PPM1E: variants seen among roughly 807,000 people sequenced by gnomAD.
PPM1E encodes the protein protein phosphatase, Mg2+/Mn2+ dependent 1E, also known as protein phosphatase 1E.
PPM1E carries 20 observed loss-of-function variants against 65.9 expected under a neutral mutation model. The ratio of observed to expected loss-of-function variants is 0.30; its 90% confidence interval spans 0.21 to 0.44. The LOEUF is 0.44. PPM1E is among the 20% of genes least tolerant of loss of function. The pLI is 1.00. For missense variants in PPM1E, 713 were observed against 953.1 expected (o/e 0.75, Z 3.32); for synonymous variants, 352 against 374.9 (o/e 0.94, Z 0.70).
chr17:58,954,117 T>C (rs2052280887), intron 1 of PPM1E, among the ~76,000 whole-genome samples: 1 of 152,242 alleles, frequency 6.6e-6, no homozygotes, highest in Non-Finnish European at 1.5e-5. Context: ...AAACTTGTTA[T>C]TTTCCTGGTT....
At chr17:58,943,251 T>C (rs933908278) in intron 1 of PPM1E, among the ~76,000 whole-genome samples, 1 of 151,980 alleles carries the variant, frequency 6.6e-6, no homozygotes, top group Non-Finnish European at 1.5e-5. Flanking sequence ...AGTACTACCT[T>C]GCAAAACCCC....
intron 3 of PPM1E, among the ~76,000 whole-genome samples, chr17:58,968,049 G>A (rs1445112098): frequency 6.6e-6 from 1 of 152,028 alleles, no homozygotes; most frequent in Non-Finnish European, 1.5e-5. Flanking sequence ...TGATCTGCCC[G>A]CCTTGGCCTC....
chr17:58,878,026 T>A (rs1217472460), intron 1 of PPM1E, among the ~76,000 whole-genome samples: 3 of 150,424 alleles, frequency 2.0e-5, no homozygotes, highest in South Asian at 2.1e-4. Context: ...AAGTGAAAAA[T>A]AAAAATAAGA....
chr17:58,895,527 C>T (rs2051401702), intron 1 of PPM1E, among the ~76,000 whole-genome samples: 2 of 152,210 alleles, frequency 1.3e-5, no homozygotes, highest in South Asian at 4.1e-4. Context: ...GTGAAACAGG[C>T]CCTGTGTGAT....
chr17:58,791,219 A>G (rs2050154821), intron 1 of PPM1E, among the ~76,000 whole-genome samples: 1 of 152,112 alleles, frequency 6.6e-6, no homozygotes, highest in African/African-American at 2.4e-5. Flanking sequence ...AAGCCACTAA[A>G]TTTGAGTGGT....
intron 2 of PPM1E, among the ~76,000 whole-genome samples, chr17:58,963,640 C>A (rs944366077): frequency 6.6e-6 from 1 of 151,936 alleles, no homozygotes; most frequent in South Asian, 2.1e-4. Flanking sequence ...ACCCAGGAGG[C>A]GAAGCTTACA....
At chr17:58,894,248 A>G (rs1439847630) in intron 1 of PPM1E, among the ~76,000 whole-genome samples, 1 of 152,130 alleles carries the variant, frequency 6.6e-6, no homozygotes, top group African/African-American at 2.4e-5. Context: ...CAGCCTCCCA[A>G]GTAGCTGGGA....
At position 58,982,563 on chromosome 17, in the gene PPM1E, AATTT is replaced by A. The variant is rs547426483; in HGVS notation, c.*1533_*1536del. On this transcript the variant is annotated 3_prime_UTR_variant, in exon 7 of 7. Coordinates refer to ENST00000308249, the MANE Select transcript of PPM1E (RefSeq NM_014906.5). ...CCATAACAGAGGACTAAAATCTCTG[AATTT>A]TAAAGACACAGATGACTGGCATATT... The A allele has an allele frequency of 2.2e-3, 525 of 241,552 alleles. 5 individuals carry two copies. The highest frequency in any genetic ancestry group is 0.016 in the South Asian group (236 of 14,546). 15.0% of individuals were successfully genotyped at this position (241,552 alleles called of 1,614,324 possible).
chr17:58,909,924 CTTTTTT>C (rs35833275), intron 1 of PPM1E, among the ~76,000 whole-genome samples: 3 of 90,036 alleles, frequency 3.3e-5, no homozygotes, highest in Non-Finnish European at 6.2e-5. Flanking sequence ...TTTTCTTTTT[CTTTTTT>C]TTTTTTTTTT....
chr17:58,942,000 C>G (rs1363344128), intron 1 of PPM1E, among the ~76,000 whole-genome samples: 1 of 140,242 alleles, frequency 7.1e-6, no homozygotes, highest in African/African-American at 2.8e-5. Context: ...ACCGAGACTT[C>G]GTCTCAAAAA....
At chr17:58,795,874 A>G (rs2050201231) in intron 1 of PPM1E, among the ~76,000 whole-genome samples, 1 of 151,860 alleles carries the variant, frequency 6.6e-6, no homozygotes, top group South Asian at 2.1e-4. Flanking sequence ...CCACTTTTAA[A>G]TGTTTTGTTT....
chr17:58,922,124 G>A (rs1052835995), intron 1 of PPM1E, among the ~76,000 whole-genome samples: 10 of 150,706 alleles, frequency 6.6e-5, no homozygotes, highest in Middle Eastern at 7.0e-3. Flanking sequence ...GAGAGCTTAC[G>A]TGAGTTATAA....
intron 1 of PPM1E, among the ~76,000 whole-genome samples, chr17:58,850,523 C>T (rs1306365671): frequency 6.6e-6 from 1 of 151,968 alleles, no homozygotes; most frequent in Non-Finnish European, 1.5e-5. Flanking sequence ...TTTTATTTCT[C>T]CTTCACTTAT....
rs1567905359 is a variant in PPM1E, at chr17:58,984,361, AGTG to A, written c.*3331_*3333del. 6 of 152,682 alleles carry A rather than the reference AGTG, an allele frequency of 3.9e-5. No individual in the cohort carries two copies. The highest frequency in any genetic ancestry group is 6.5e-5 in the Admixed American group (1 of 15,284). The allele number at this position is 152,682 out of a possible 1,614,324, so 9.5% of individuals were successfully genotyped here. ...ATGAAAATGATGCATGGCCAAGTTC[AGTG>A]TTTACAGATAAAACTGCTGTGGTTC... On this transcript the variant is annotated 3_prime_UTR_variant, in exon 7 of 7. Transcript: ENST00000308249.
chr17:58,774,162 C>A (rs980078780), intron 1 of PPM1E, among the ~76,000 whole-genome samples: 1 of 150,906 alleles, frequency 6.6e-6, no homozygotes, highest in Non-Finnish European at 1.5e-5. Context: ...AACTCTGTCC[C>A]CCCCCCCCAA....
chr17:58,946,525 G>GGCTC (rs1294441510), intron 1 of PPM1E, among the ~76,000 whole-genome samples: 1 of 152,104 alleles, frequency 6.6e-6, no homozygotes, highest in South Asian at 2.1e-4. Flanking sequence ...CGATGATTAT[G>GGCTC]GCTCACTGCA....
At chr17:58,881,996 CAAAAAAAAAAA>C (rs58449667) in intron 1 of PPM1E, among the ~76,000 whole-genome samples, 1 of 62,258 alleles carries the variant, frequency 1.6e-5, no homozygotes, top group Non-Finnish European at 3.0e-5. Context: ...CCTGTCTCTA[CAAAAAAAAAAA>C]AAAAAAAAAA....
chr17:58,810,822 T>A (rs6503879), intron 1 of PPM1E, among the ~76,000 whole-genome samples: 22,117 of 152,150 alleles, frequency 0.15, 2,493 homozygotes, highest in East Asian at 0.31. Context: ...TTCTTTTTAT[T>A]ATGAATTGTT....
intron 1 of PPM1E, among the ~76,000 whole-genome samples, chr17:58,782,267 G>A (rs2050057569): frequency 6.6e-6 from 1 of 152,136 alleles, no homozygotes; most frequent in Non-Finnish European, 1.5e-5. Context: ...TATGAGCTAA[G>A]ACTTGGAAAA....
Sources: gnomAD v4.1 joint callset for allele counts (sites outside exome capture counted in the v4.1 genomes callset) on GRCh38, gnomAD v4.1.1 for gene constraint, MANE v1.5 for transcripts, NCBI Gene and HGNC (gene_info 2026-07-23, HGNC 2026-07-21) for gene names.